The following TACR3 variants were observed in gnomAD, a reference collection of about 807,000 sequenced individuals.
TACR3 encodes neuromedin-K receptor.
In TACR3, 34 loss-of-function variants were observed where a neutral mutation model predicts 35.0. That is an observed-to-expected ratio of 0.97 (90% CI 0.74 to 1.30). The LOEUF (loss-of-function observed/expected upper bound fraction) is 1.30. Ranked by LOEUF, TACR3 falls within the 50% of genes most tolerant of loss-of-function variation. The pLI is 0.00. For missense variants in TACR3, 558 were observed against 591.7 expected, an observed-to-expected ratio of 0.94 and a Z score of 0.59; for synonymous variants, 233 against 221.1, an observed-to-expected ratio of 1.05 and a Z score of -0.48.
rs539574386 is a variant in TACR3, at chr4:103,610,951, C to T, written c.889-19268G>A. Among the ~76,000 whole-genome samples the T allele has an allele frequency of 2.0e-5, 3 of 152,122 alleles. No homozygotes were observed. The South Asian group carries it at 6.2e-4, about 32-fold the overall frequency. ...TCGGGTGTAAAGTGTGGATTTATTT[C>T]TGGGTTCTCTAATCTGTTCCATCGG... On this transcript the variant is annotated intron_variant, in intron 3 of 4. Coordinates refer to ENST00000304883, the MANE Select transcript of TACR3 (RefSeq NM_001059.3).
chr4:103,629,113 TAAACTAGGTATTGATGGAATGTATCTCA>T (rs1724983132), intron 3 of TACR3, among the ~76,000 whole-genome samples: 1 of 152,076 alleles, frequency 6.6e-6, no homozygotes, highest in African/African-American at 2.4e-5. Flanking sequence ...AAACTCTCAA[TAAACTAGGTATTGATGGAATGTATCTCA>T]AAATAATCAG....
chr4:103,708,688 TCAGATGA>T (rs1722857905), intron 1 of TACR3, among the ~76,000 whole-genome samples: 1 of 152,150 alleles, frequency 6.6e-6, no homozygotes, highest in Non-Finnish European at 1.5e-5. Flanking sequence ...GAAGAAGCCT[TCAGATGA>T]TCAAACTTCT....
intron 3 of TACR3, among the ~76,000 whole-genome samples, chr4:103,629,859 AAC>A (rs1380243631): frequency 0.06 from 7,451 of 125,190 alleles, 183 homozygotes; most frequent in Non-Finnish European, 0.072. Context: ...ACAAAAAAAA[AAC>A]AAAAAAAAAA....
intron 3 of TACR3, among the ~76,000 whole-genome samples, chr4:103,603,871 A>G (rs1161322885): frequency 6.6e-6 from 1 of 152,166 alleles, no homozygotes; most frequent in East Asian, 1.9e-4. Context: ...CGAACTACAA[A>G]CCACTGCTCA....
At chr4:103,626,355 T>TGTCA (rs1290563852) in intron 3 of TACR3, among the ~76,000 whole-genome samples, 1 of 152,200 alleles carries the variant, frequency 6.6e-6, no homozygotes, top group Non-Finnish European at 1.5e-5. Context: ...GGATCTTAGC[T>TGTCA]GTCAACCAAA....
chr4:103,652,369 AG>A (rs1261047611), intron 3 of TACR3, among the ~76,000 whole-genome samples: 1 of 152,204 alleles, frequency 6.6e-6, no homozygotes, highest in East Asian at 1.9e-4. Context: ...CTCCTGTGAC[AG>A]GGCAATGTCT....
At chr4:103,703,172 C>G (rs28593448) in intron 1 of TACR3, among the ~76,000 whole-genome samples, 4,616 of 152,134 alleles carry the variant, frequency 0.03, 230 homozygotes, top group African/African-American at 0.1. Context: ...ATCTCAGAGT[C>G]ATTATATTTT....
chr4:103,659,405 A>G (rs1358037543), intron 1 of TACR3, among the ~76,000 whole-genome samples: 3 of 152,182 alleles, frequency 2.0e-5, no homozygotes, highest in Non-Finnish European at 4.4e-5. Flanking sequence ...TTAACTTTTA[A>G]ACATATAATT....
chr4:103,665,847 G>A (rs1343671037), intron 1 of TACR3, among the ~76,000 whole-genome samples: 11 of 152,016 alleles, frequency 7.2e-5, no homozygotes, highest in Admixed American at 6.6e-4. Flanking sequence ...AAAAATATAC[G>A]TATGATTTCC....
At chr4:103,641,923 T>C (rs1275025132) in intron 3 of TACR3, among the ~76,000 whole-genome samples, 3 of 151,700 alleles carry the variant, frequency 2.0e-5, no homozygotes, top group Non-Finnish European at 4.4e-5. Context: ...ATCTAAAAAA[T>C]GTCAAACTAA....
chr4:103,685,836 C>G (rs182674731), intron 1 of TACR3, among the ~76,000 whole-genome samples: 1 of 152,268 alleles, frequency 6.6e-6, no homozygotes, highest in East Asian at 1.9e-4. Flanking sequence ...CAAGAAGATT[C>G]CATGTCTACC....
chr4:103,605,018 C>A (rs1282535051), intron 3 of TACR3, among the ~76,000 whole-genome samples: 1 of 140,896 alleles, frequency 7.1e-6, no homozygotes, highest in Non-Finnish European at 1.5e-5. Flanking sequence ...GTGTGATGTT[C>A]CCCTTCCTGT....
intron 1 of TACR3, among the ~76,000 whole-genome samples, chr4:103,715,832 T>A (rs1049793800): frequency 6.6e-6 from 1 of 152,174 alleles, no homozygotes; most frequent in African/African-American, 2.4e-5. Flanking sequence ...TGTATTGTAA[T>A]AACTGTTCTA....
intron 3 of TACR3, among the ~76,000 whole-genome samples, chr4:103,612,500 A>G (rs933846263): frequency 6.6e-6 from 1 of 151,588 alleles, no homozygotes; most frequent in African/African-American, 2.4e-5. Flanking sequence ...AATCCCATGA[A>G]GTTCTTTTTT....
At chr4:103,666,971 G>T (rs973394702) in intron 1 of TACR3, among the ~76,000 whole-genome samples, 1 of 151,960 alleles carries the variant, frequency 6.6e-6, no homozygotes, top group Non-Finnish European at 1.5e-5. Flanking sequence ...AAAACTTTGA[G>T]TTCAGGCCAG....
chr4:103,628,653 A>G (rs1724969098), intron 3 of TACR3, among the ~76,000 whole-genome samples: 1 of 152,228 alleles, frequency 6.6e-6, no homozygotes, highest in Non-Finnish European at 1.5e-5. Context: ...TGAGGCAATA[A>G]TTAATAGCCC....
rs1235639306 is a variant in TACR3, at chr4:103,719,304, A to G, written c.372T>C (p.Leu124=). The G allele has an allele frequency of 3.1e-6, 5 of 1,614,236 alleles. No homozygotes were observed. The African/African-American group carries it at 4.0e-5, about 13-fold the overall frequency. Residue 124 remains leucine (L), a synonymous_variant, in exon 1 of 5, where the codon CTT becomes CTC. Transcript: ENST00000304883. The stretch of plus-strand genomic sequence containing the variant: ...AGGCGTCGGAGAAAGCCAGGTTCAC[A>G]AGGAAGTAGTTGGTGACAGTCCTCA... ...KRMRTVTNYF[L]VNLAFSDASM...
At chr4:103,670,494 C>T (rs1726031774) in intron 1 of TACR3, among the ~76,000 whole-genome samples, 2 of 151,806 alleles carry the variant, frequency 1.3e-5, no homozygotes, top group Admixed American at 6.6e-5. Flanking sequence ...TTGGTGTCCT[C>T]TTCAGTTTCT....
intron 3 of TACR3, among the ~76,000 whole-genome samples, chr4:103,604,628 G>T (rs1724303079): frequency 6.6e-6 from 1 of 151,828 alleles, no homozygotes; most frequent in Non-Finnish European, 1.5e-5. Context: ...GAATTTTTTT[G>T]CAATGTATCC....
Sources: allele counts gnomAD v4.1 joint callset (sites outside exome capture counted in the v4.1 genomes callset), GRCh38; gene constraint gnomAD v4.1.1; transcripts MANE v1.5; gene names NCBI Gene and HGNC (gene_info 2026-07-23, HGNC 2026-07-21).